Variants in SPNS1 observed in about 807,000 individuals in gnomAD.
SPNS1 encodes the protein SPNS lysolipid transporter 1, lysophospholipid.
In SPNS1, 22 loss-of-function variants were observed where a neutral mutation model predicts 50.3. The observed-to-expected ratio is 0.44, with a 90% CI of 0.31 to 0.62. The LOEUF is 0.62. SPNS1 is among the 20% of genes least tolerant of loss of function. The pLI is 0.07. For missense variants in SPNS1, 576 were observed against 728.6 expected (o/e 0.79, Z 2.41); for synonymous variants, 295 against 317.4 (o/e 0.93, Z 0.75).
In SPNS1 at chr16:28,983,802, G is replaced by A. The variant is rs148875869; in HGVS notation, c.1337G>A (p.Arg446His). Reference protein sequence around the residue: ...YLIGLISDRLRRNWPPSFLSE... With the variant: ...YLIGLISDRLHRNWPPSFLSE... ...TCCCTGCAGATCTCTGACCGCCTGC[G>A]CCGGAACTGGCCCCCCTCCTTCTTG... is the stretch of plus-strand genomic sequence containing the variant. The change falls in exon 11 of 12, where the codon CGC becomes CAC. Residue 446 changes from arginine to histidine, a missense_variant. This residue lies in a region of SPNS1 where 428 missense variants were observed against 520.1 expected (regional missense o/e 0.82). Transcript: ENST00000311008. This position sits in a 1 kb window ranked among gnomAD's most constrained non-coding sequence, Gnocchi z 5.4. 8.1e-6 allele frequency: 13 copies of A among 1,595,392 alleles called. No individual in the cohort carries two copies. Among genetic ancestry groups the A allele is most frequent in the Non-Finnish European group, 1.1e-5 (13 of 1,173,174 alleles).
At chr16:28,979,492 G>C in intron 5 of SPNS1, 21 bp downstream of exon 5, 5 of 1,613,684 alleles carry the variant, frequency 3.1e-6, no homozygotes, top group Non-Finnish European at 4.2e-6. Context: ...TCTTGGCCTG[G>C]GGGTAGGTCA....
Position 28,977,936 on chromosome 16 carries a change from A to G in SPNS1, c.336A>G (p.Ala112=). 8 of 1,613,742 alleles carry G rather than the reference A, an allele frequency of 5.0e-6. No individual in the cohort carries two copies. The highest frequency in any genetic ancestry group is 5.9e-6 in the Non-Finnish European group (7 of 1,179,868). Residue 112 remains alanine, a synonymous_variant, in exon 3 of 12, where the codon GCA becomes GCG. Transcript: ENST00000311008. ...TCATCTCCAGTTACATGGTGTTGGC[A>G]CCTGTGTTTGGCTACCTGGGTGACA... is the stretch of plus-strand genomic sequence containing the variant. The part of the protein sequence containing the change: ...TVFISSYMVL[A]PVFGYLGDRY...
rs370939688 is a variant in SPNS1, at chr16:28,978,029, C to T, written c.429C>T (p.Ser143=). The change falls in exon 3 of 12, where the codon TCC becomes TCT. Residue 143 remains serine, a synonymous_variant. Coordinates refer to ENST00000311008, the MANE Select transcript of SPNS1 (RefSeq NM_032038.3). ...AFWSLVTLGS[S]FIPGEHFWLL... is the part of the protein sequence containing the mutation. ...GGTCCCTGGTGACACTGGGGTCATC[C>T]TTCATCCCCGGAGAGGTGAGGCCCC... 8.7e-6 allele frequency: 14 copies of T among 1,613,414 alleles called. No homozygotes were observed. In the African/African-American group the frequency reaches 1.7e-4, roughly 20 times the overall value.
At position 28,979,181 on chromosome 16, in the gene SPNS1, G is replaced by A. The variant is rs773989629; in HGVS notation, c.471G>A (p.Arg157=). 6.2e-7 allele frequency: 1 copy of A among 1,614,006 alleles called. No homozygotes were observed. The highest frequency in any genetic ancestry group is 1.1e-5 in the South Asian group (1 of 91,096). The change falls in exon 4 of 12, where the codon CGG becomes CGA. Residue 157 remains arginine, a synonymous_variant. Transcript: ENST00000311008. ...GEHFWLLLLT[R]GLVGVGEASY... ...ATTTCTGGCTGCTCCTCCTGACCCGGGGCCTGGTGGGGGTCGGGGAGGCCA... is the reference window on the plus strand; with the variant it reads ...ATTTCTGGCTGCTCCTCCTGACCCGAGGCCTGGTGGGGGTCGGGGAGGCCA...
chr16:28,978,143 CCTG>C (rs1340734695), intron 3 of SPNS1, 99 bp downstream of exon 3: 5 of 1,496,132 alleles, frequency 3.3e-6, no homozygotes, highest in Middle Eastern at 4.3e-4. Flanking sequence ...CTCAGGGACT[CCTG>C]CAGTTTCCCT....
Position 28,983,103 on chromosome 16 carries a change from C to G in SPNS1, c.1222-89C>G. 7.8e-7 allele frequency: 1 copy of G among 1,277,076 alleles called. No homozygotes were observed. The highest frequency in any genetic ancestry group is 1.1e-6 in the Non-Finnish European group (1 of 887,358). 79.1% of individuals were successfully genotyped at this position (1,277,076 alleles called of 1,614,324 possible). ...CCCCAGGCACACCTCTGACCCCGGC[C>G]TAGGCGGATCCTTGGTGGTCTCCTG... On this transcript the variant is annotated intron_variant, in intron 9 of 11. Coordinates refer to ENST00000311008, the MANE Select transcript of SPNS1 (RefSeq NM_032038.3). This position sits in a 1 kb window ranked among gnomAD's most constrained non-coding sequence, Gnocchi z 5.4.
chr16:28,982,065 A>G lies in SPNS1; in HGVS notation c.965+9A>G. On this transcript the variant is annotated intron_variant, in intron 7 of 11. Transcript: ENST00000311008. ...TGCTCTTCCTCTGACAGGTGCCCAG[A>G]TGGGGCTATGCTGGGGGGCCTGCGG... is the stretch of plus-strand genomic sequence containing the variant. 6.2e-7 allele frequency: 1 copy of G among 1,613,400 alleles called. No individual in the cohort carries two copies. The highest frequency in any genetic ancestry group is 8.5e-7 in the Non-Finnish European group (1 of 1,179,758).
chr16:28,975,987 G>C (rs911779437), intron 2 of SPNS1, among the ~76,000 whole-genome samples: 5 of 152,204 alleles, frequency 3.3e-5, no homozygotes, highest in African/African-American at 4.8e-5. Context: ...ATAATGGCAG[G>C]AGGGTTGGGT....
chr16:28,984,240 A>G lies in SPNS1; in HGVS notation c.1528A>G (p.Ile510Val), dbSNP rs1319428244. Reference sequence around the variant, plus strand: ...CGAAGCAGGGTCCACAGACGACCGGATTGTGGTGCCCCAGCGGGGCCGCTC... The same window carrying G: ...CGAAGCAGGGTCCACAGACGACCGGGTTGTGGTGCCCCAGCGGGGCCGCTC... ...LHEAGSTDDR[I>V]VVPQRGRSTR... Residue 510 changes from isoleucine to valine, a missense_variant, in exon 12 of 12, where the codon ATT becomes GTT. By Grantham distance (29) the Ile-to-Val change is conservative. This residue lies in a region of SPNS1 where 428 missense variants were observed against 520.1 expected (regional missense o/e 0.82). Transcript: ENST00000311008. The G allele has an allele frequency of 1.2e-6, 2 of 1,607,666 alleles. No individual in the cohort carries two copies. Among genetic ancestry groups the G allele is most frequent in the South Asian group, 2.2e-5 (2 of 90,236 alleles).
rs1965554361 is a variant in SPNS1, at chr16:28,981,586, G to A, written c.780G>A (p.Trp260Ter). 6.2e-7 allele frequency: 1 copy of A among 1,614,136 alleles called. No individual in the cohort carries two copies. Among genetic ancestry groups the A allele is most frequent in the Non-Finnish European group, 8.5e-7 (1 of 1,180,028 alleles). Residue 260 changes from tryptophan to a stop codon, truncating the protein, a stop_gained, in exon 6 of 12, where the codon TGG (tryptophan) becomes TGA (stop). Transcript: ENST00000311008. LOFTEE classifies it high-confidence loss of function. The surrounding 1 kb of genome is among the most constrained non-coding windows in gnomAD (Gnocchi z 4.2). Reference protein sequence around the residue: ...SDLPPLNPTSWWADLRALARN... With the variant: ...SDLPPLNPTS ...TGCCACCCCTGAACCCCACCTCGTGGTGGGCAGATCTGAGGGCTCTGGCAA... is the reference window on the plus strand; with the variant it reads ...TGCCACCCCTGAACCCCACCTCGTGATGGGCAGATCTGAGGGCTCTGGCAA...
intron 5 of SPNS1, chr16:28,979,694 G>A (rs1965475738): frequency 1.8e-6 from 1 of 554,746 alleles, no homozygotes; most frequent in African/African-American, 1.9e-5. Context: ...GGGACTATAG[G>A]TGCCCGCCAC....
In SPNS1 at chr16:28,975,228, G is replaced by C. The variant is rs990981149; in HGVS notation, c.77G>C (p.Gly26Ala). The change falls in exon 1 of 12, where the codon GGG (glycine) becomes GCG (alanine). Residue 26 changes from glycine (G) to alanine (A), a missense_variant. By Grantham distance (60) the Gly-to-Ala change is moderately conservative (BLOSUM62 0). Transcript: ENST00000311008. ...PDDGPVPGTPGLPGSTGNPKS... is the reference protein window; with the variant it reads ...PDDGPVPGTPALPGSTGNPKS... ...GACGGGCCAGTGCCTGGCACCCCGG[G>C]GTTGCCAGGGTCCACGGGGAACCCG... is the stretch of plus-strand genomic sequence containing the variant. 3.3e-6 allele frequency: 5 copies of C among 1,520,776 alleles called. No individual in the cohort carries two copies. The highest frequency in any genetic ancestry group is 2.8e-5 in the African/African-American group (2 of 72,536). 94.2% of individuals were successfully genotyped at this position (1,520,776 alleles called of 1,614,324 possible). A position where few individuals can be genotyped will look rare whatever the true frequency, so the allele number is the denominator to read the frequency against.
intron 2 of SPNS1, among the ~76,000 whole-genome samples, chr16:28,977,458 G>C (rs1422114171): frequency 1.3e-5 from 2 of 152,184 alleles, no homozygotes; most frequent in African/African-American, 4.8e-5. Flanking sequence ...TGAAGTTTCA[G>C]GGGGAGAGGA....
chr16:28,982,255 G>A (rs1322088606), intron 7 of SPNS1, 101 bp from the exon 8 acceptor site: 25 of 1,402,528 alleles, frequency 1.8e-5, no homozygotes, highest in Non-Finnish European at 2.3e-5. Flanking sequence ...ATGGGGTGCT[G>A]TGTCTGTAGG....
chr16:28,983,218 C>T lies in SPNS1; in HGVS notation c.1248C>T (p.Ser416=), dbSNP rs149999622. The T allele has an allele frequency of 2.9e-4, 468 of 1,613,874 alleles. No individual in the cohort carries two copies. Among genetic ancestry groups the T allele is most frequent in the Non-Finnish European group, 3.7e-4 (438 of 1,179,942 alleles). ...LLYVVIPTRR[S]TAEAFQIVLS... is the part of the protein sequence containing the mutation. The stretch of plus-strand genomic sequence containing the variant: ...ACGTGGTGATCCCTACCCGACGCTC[C>T]ACCGCCGAGGCCTTCCAGATCGTGC... Residue 416 remains serine (S), a synonymous_variant, in exon 10 of 12, where the codon TCC becomes TCT. Transcript: ENST00000311008. The surrounding 1 kb of genome is among the most constrained non-coding windows in gnomAD (Gnocchi z 5.4).
At position 28,981,529 on chromosome 16, in the gene SPNS1, G is replaced by A. The variant is rs766227970; in HGVS notation, c.723G>A (p.Pro241=). The change falls in exon 6 of 12, where the codon CCG becomes CCA. Residue 241 remains proline (P), a synonymous_variant. Transcript: ENST00000311008. The surrounding 1 kb of genome is among the most constrained non-coding windows in gnomAD (Gnocchi z 4.2). ...TGCTGTTCCTGGTAGTGCGGGAGCC[G>A]CCAAGGGGAGCCGTGGAGCGCCACT... is the stretch of plus-strand genomic sequence containing the variant. ...VLLLFLVVRE[P]PRGAVERHSD... 13 of 1,613,950 alleles carry A rather than the reference G, an allele frequency of 8.1e-6. No individual in the cohort carries two copies. Among genetic ancestry groups the A allele is most frequent in the East Asian group, 2.2e-5 (1 of 44,886 alleles).
rs773062727 is a variant in SPNS1, at chr16:28,979,166, G to A, written c.456G>A (p.Leu152=). Residue 152 remains leucine, a synonymous_variant, in exon 4 of 12, where the codon CTG becomes CTA. Transcript: ENST00000311008. ...GTCTCTCTCCCCAGCATTTCTGGCT[G>A]CTCCTCCTGACCCGGGGCCTGGTGG... ...SSFIPGEHFW[L]LLLTRGLVGV... is the part of the protein sequence containing the mutation. The A allele has an allele frequency of 5.6e-6, 9 of 1,613,856 alleles. No individual in the cohort carries two copies. The highest frequency in any genetic ancestry group is 1.1e-5 in the South Asian group (1 of 91,074).
downstream of SPNS1, chr16:28,984,736 CCT>C: frequency 3.5e-6 from 3 of 859,328 alleles, no homozygotes; most frequent in Non-Finnish European, 5.6e-6. Context: ...GAGTCACGCC[CCT>C]GCTTCCCTGG....
chr16:28,983,390 G>C lies in SPNS1; in HGVS notation c.1320+100G>C. 1.1e-6 allele frequency: 1 copy of C among 940,926 alleles called. No individual in the cohort carries two copies. Among genetic ancestry groups the C allele is most frequent in the Non-Finnish European group, 1.7e-6 (1 of 587,228 alleles). The allele number at this position is 940,926 out of a possible 1,614,324, so 58.3% of individuals were successfully genotyped here. On this transcript the variant is annotated intron_variant, in intron 10 of 11. Transcript: ENST00000311008. This position sits in a 1 kb window ranked among gnomAD's most constrained non-coding sequence, Gnocchi z 5.4. ...GTGAAGTGTCTGTGTCCTGCGTGCT[G>C]GGCACTTCTCACCTTCCATTGTCAA...
Sources: allele counts gnomAD v4.1 joint callset (sites outside exome capture counted in the v4.1 genomes callset), GRCh38; gene constraint gnomAD v4.1.1; regional missense constraint gnomAD v4.1.1; non-coding constraint Gnocchi (gnomAD v3.1); transcripts MANE v1.5; gene names NCBI Gene and HGNC (gene_info 2026-07-23, HGNC 2026-07-21).